The following PDS5A variants were observed in gnomAD, a reference collection of about 807,000 sequenced individuals.
PDS5A encodes the protein PDS5 cohesin associated factor A.
A neutral mutation model predicts 167.1 loss-of-function variants in PDS5A; 42 were observed. That is an observed-to-expected ratio of 0.25 (90% CI 0.20 to 0.33). PDS5A has a LOEUF of 0.33. PDS5A is among the 10% of genes least tolerant of loss of function. PDS5A has a pLI of 1.00. For missense variants in PDS5A, 1,033 were observed against 1,605.9 expected (o/e 0.64, Z 6.10); for synonymous variants, 553 against 554.6 (o/e 1.00, Z 0.04).
chr4:39,883,952 TG>T (rs1409771703), intron 17 of PDS5A, among the ~76,000 whole-genome samples: 2 of 151,152 alleles, frequency 1.3e-5, no homozygotes, highest in Non-Finnish European at 1.5e-5. Context: ...TTTTTTTTTT[TG>T]AGTCTCGCTC....
chr4:39,853,672 C>A (rs1332056537), intron 26 of PDS5A, among the ~76,000 whole-genome samples: 3 of 152,142 alleles, frequency 2.0e-5, no homozygotes, highest in Non-Finnish European at 4.4e-5. Flanking sequence ...AAGACCTCAC[C>A]TCAATTTATT....
At chr4:39,927,100 C>T (rs1469688938) in intron 3 of PDS5A, among the ~76,000 whole-genome samples, 6 of 152,124 alleles carry the variant, frequency 3.9e-5, no homozygotes, top group Admixed American at 1.3e-4. Flanking sequence ...TCTTTCAGAG[C>T]GGACCACAGG....
chr4:39,976,277 A>G, intron 2 of PDS5A, 163 bp downstream of exon 2: 1 of 529,898 alleles, frequency 1.9e-6, no homozygotes, highest in South Asian at 3.5e-5. Context: ...TTATATCCCT[A>G]CAAAACTCAC....
intron 2 of PDS5A, among the ~76,000 whole-genome samples, chr4:39,949,358 C>G (rs1728104327): frequency 6.9e-6 from 1 of 144,450 alleles, no homozygotes; most frequent in Non-Finnish European, 1.5e-5. Context: ...GTTATGCTAA[C>G]TGAAATATGC....
chr4:39,938,973 A>C (rs1370006500), intron 2 of PDS5A, among the ~76,000 whole-genome samples: 1 of 152,158 alleles, frequency 6.6e-6, no homozygotes, highest in African/African-American at 2.4e-5. Flanking sequence ...CATCTAAAAA[A>C]AAAAAGCAAT....
chr4:39,958,660 G>A (rs1729194529), intron 2 of PDS5A, among the ~76,000 whole-genome samples: 1 of 150,880 alleles, frequency 6.6e-6, no homozygotes, highest in South Asian at 2.1e-4. Flanking sequence ...TATCACCTAG[G>A]CTGGAGTGCA....
At chr4:39,856,095 G>A (rs556011389) in intron 26 of PDS5A, among the ~76,000 whole-genome samples, 2 of 152,178 alleles carry the variant, frequency 1.3e-5, no homozygotes, top group African/African-American at 2.4e-5. Flanking sequence ...AAGCAGCCAA[G>A]AAGGAAGTGA....
intron 2 of PDS5A, among the ~76,000 whole-genome samples, chr4:39,954,772 C>G (rs1728772447): frequency 6.6e-6 from 1 of 151,424 alleles, no homozygotes; most frequent in Admixed American, 6.6e-5. Flanking sequence ...AGGCAGAGAG[C>G]CTCATGCCTG....
At chr4:39,934,396 T>A (rs1726375165) in intron 2 of PDS5A, among the ~76,000 whole-genome samples, 1 of 152,212 alleles carries the variant, frequency 6.6e-6, no homozygotes, top group African/African-American at 2.4e-5. Context: ...TGATTTTCTC[T>A]CAGATCCTTC....
intron 30 of PDS5A, 135 bp from the exon 31 acceptor site, chr4:39,842,191 C>T (rs1717094185): frequency 1.6e-6 from 1 of 615,506 alleles, no homozygotes; most frequent in South Asian, 2.1e-5. Context: ...GATTCGGATA[C>T]TCTGTAGTTA....
In PDS5A at chr4:39,917,096, A is replaced by G; in HGVS notation, c.828T>C (p.Asp276=). ...FDLIQELFAI[D]PHLLLSVMPQ... The stretch of plus-strand genomic sequence containing the variant: ...GCATGACGGATAATAATAAATGAGG[A>G]TCTATAGCAAAAAGTTCCTGAATCA... Residue 276 remains aspartate, a synonymous_variant, in exon 8 of 33, where the codon GAT becomes GAC. Transcript: ENST00000303538. The G allele has an allele frequency of 6.4e-7, 1 of 1,560,370 alleles. No individual in the cohort carries two copies. The highest frequency in any genetic ancestry group is 8.7e-7 in the Non-Finnish European group (1 of 1,153,674).
Position 39,900,526 on chromosome 4 carries a change from G to A in PDS5A, c.1500-19C>T, listed in dbSNP as rs770862640. The stretch of plus-strand genomic sequence containing the variant: ...GAGAGCTCTGTAAAGTTATGAATAT[G>A]AAAACACACATTACATAACAATACT... On this transcript the variant is annotated intron_variant, in intron 13 of 32. Transcript: ENST00000303538. 4.8e-6 allele frequency: 7 copies of A among 1,470,304 alleles called. No homozygotes were observed. The highest frequency in any genetic ancestry group is 6.6e-6 in the Non-Finnish European group (7 of 1,068,394). The allele number at this position is 1,470,304 out of a possible 1,614,324, so 91.1% of individuals were successfully genotyped here. A position where few individuals can be genotyped will look rare whatever the true frequency, so the allele number is the denominator to read the frequency against.
intron 2 of PDS5A, among the ~76,000 whole-genome samples, chr4:39,942,187 A>C (rs1727286842): frequency 6.6e-6 from 1 of 152,150 alleles, no homozygotes; most frequent in African/African-American, 2.4e-5. Flanking sequence ...GTCTATACTT[A>C]TACATATGTA....
chr4:39,872,878 A>G, intron 21 of PDS5A, 108 bp downstream of exon 21: 1 of 555,858 alleles, frequency 1.8e-6, no homozygotes, highest in East Asian at 3.2e-5. Context: ...CCAATATAGA[A>G]TAATTTAAAA....
chr4:39,869,198 C>G (rs1046125400), intron 22 of PDS5A, among the ~76,000 whole-genome samples, 196 bp downstream of exon 22: 2 of 152,154 alleles, frequency 1.3e-5, no homozygotes, highest in Admixed American at 1.3e-4. Flanking sequence ...CAGCTAGGCA[C>G]GATGGCTTAA....
intron 19 of PDS5A, among the ~76,000 whole-genome samples, chr4:39,875,383 C>A (rs983697494): frequency 6.6e-6 from 1 of 151,844 alleles, no homozygotes; most frequent in African/African-American, 2.4e-5. Flanking sequence ...CTACAATGAA[C>A]GTAAGTATTT....
intron 30 of PDS5A, among the ~76,000 whole-genome samples, chr4:39,842,654 G>A (rs943965110): frequency 6.6e-6 from 1 of 151,828 alleles, no homozygotes; most frequent in African/African-American, 2.4e-5. Context: ...GGTCAGAAAT[G>A]ATAAAGGTTT....
intron 19 of PDS5A, 129 bp from the exon 20 acceptor site, chr4:39,874,541 C>G (rs1179991595): frequency 2.9e-6 from 2 of 698,860 alleles, no homozygotes; most frequent in Non-Finnish European, 4.6e-6. Context: ...ATTATCTGAT[C>G]TAAAGAAAGT....
chr4:39,888,085 A>C (rs1294642849), intron 17 of PDS5A, among the ~76,000 whole-genome samples: 2 of 151,978 alleles, frequency 1.3e-5, no homozygotes, highest in Non-Finnish European at 2.9e-5. Context: ...CCCGGTCTCT[A>C]CTAAAAAACA....
Sources: allele counts gnomAD v4.1 joint callset (sites outside exome capture counted in the v4.1 genomes callset), GRCh38; gene constraint gnomAD v4.1.1; transcripts MANE v1.5; gene names NCBI Gene and HGNC (gene_info 2026-07-23, HGNC 2026-07-21).